Variants in PRTFDC1 observed in about 807,000 individuals in gnomAD.
PRTFDC1 encodes phosphoribosyltransferase domain-containing protein 1.
A neutral mutation model predicts 34.6 loss-of-function variants in PRTFDC1; 38 were observed. That is an observed-to-expected ratio of 1.10 (90% CI 0.85 to 1.44). The LOEUF is 1.44. Among genes scored for constraint, PRTFDC1 ranks in the 40% most tolerant of loss-of-function variants. The probability of loss-of-function intolerance (pLI) is 0.00; values close to 1 mark genes in which losing one functional copy is unlikely to be tolerated. For synonymous variants in PRTFDC1, 93 were observed against 98.1 expected (o/e 0.95, Z 0.31); for missense variants, 270 against 283.0 (o/e 0.95, Z 0.33).
At chr10:24,870,204 G>A (rs575944283) in intron 4 of PRTFDC1, among the ~76,000 whole-genome samples, 2 of 152,248 alleles carry the variant, frequency 1.3e-5, no homozygotes, top group East Asian at 3.9e-4. Context: ...TAACTCTTGA[G>A]CTTAAGTGAT....
chr10:24,874,728 G>GT (rs1273603940), intron 3 of PRTFDC1, among the ~76,000 whole-genome samples: 1 of 152,156 alleles, frequency 6.6e-6, no homozygotes, highest in Admixed American at 6.5e-5. Flanking sequence ...GTACAAACGT[G>GT]TTTTTTTAAA....
chr10:24,864,263 A>G (rs1432407797), intron 4 of PRTFDC1, among the ~76,000 whole-genome samples: 4 of 152,186 alleles, frequency 2.6e-5, no homozygotes, highest in African/African-American at 9.7e-5. Context: ...TTAAAATATT[A>G]TATATACTTA....
At chr10:24,882,352 C>T (rs553478041) in intron 3 of PRTFDC1, among the ~76,000 whole-genome samples, 3 of 152,262 alleles carry the variant, frequency 2.0e-5, no homozygotes, top group Non-Finnish European at 4.4e-5. Context: ...GCACATCCAA[C>T]TGAAATTTTC....
intron 3 of PRTFDC1, among the ~76,000 whole-genome samples, chr10:24,872,777 T>TGG (rs1491389794): frequency 2.9e-5 from 1 of 35,082 alleles, no homozygotes. Context: ...TATATATATA[T>TGG]GTGTGTGTGT....
At chr10:24,947,815 T>C (rs577364594) in intron 1 of PRTFDC1, among the ~76,000 whole-genome samples, 1 of 152,178 alleles carries the variant, frequency 6.6e-6, no homozygotes, top group Admixed American at 6.5e-5. Flanking sequence ...CCCTTCACTC[T>C]AATTCAAAGA....
At chr10:24,907,892 T>C (rs1439191483) in intron 3 of PRTFDC1, among the ~76,000 whole-genome samples, 1 of 152,238 alleles carries the variant, frequency 6.6e-6, no homozygotes, top group African/African-American at 2.4e-5. Flanking sequence ...GTATTCTAAC[T>C]CATATAAATA....
intron 1 of PRTFDC1, among the ~76,000 whole-genome samples, chr10:24,948,063 C>T (rs1183847621): frequency 6.6e-6 from 1 of 152,148 alleles, no homozygotes; most frequent in Non-Finnish European, 1.5e-5. Flanking sequence ...AACTCATTAC[C>T]ACCTAGTAGA....
At chr10:24,916,109 ACCTTACAG>A (rs1334288766) in intron 3 of PRTFDC1, among the ~76,000 whole-genome samples, 1 of 152,104 alleles carries the variant, frequency 6.6e-6, no homozygotes, top group Non-Finnish European at 1.5e-5. Context: ...CAGGCCAGAA[ACCTTACAG>A]CCATGTCAAT....
At chr10:24,887,253 A>G (rs890404658) in intron 3 of PRTFDC1, among the ~76,000 whole-genome samples, 1 of 151,470 alleles carries the variant, frequency 6.6e-6, no homozygotes, top group Admixed American at 6.6e-5. Flanking sequence ...TACAGGCGTG[A>G]GCCACCGCGC....
At chr10:24,929,914 C>T (rs1238007099) in intron 3 of PRTFDC1, among the ~76,000 whole-genome samples, 2 of 152,160 alleles carry the variant, frequency 1.3e-5, no homozygotes, top group Non-Finnish European at 2.9e-5. Context: ...TTTCTCAAAA[C>T]ACACTAAATC....
intron 3 of PRTFDC1, among the ~76,000 whole-genome samples, chr10:24,925,509 C>A (rs990238439): frequency 2.6e-5 from 4 of 152,004 alleles, no homozygotes; most frequent in Non-Finnish European, 4.4e-5. Flanking sequence ...TATAAATTAC[C>A]CAGTTTCAGT....
chr10:24,942,598 G>C (rs1327713276), intron 1 of PRTFDC1, among the ~76,000 whole-genome samples, 162 bp from the exon 2 acceptor site: 17 of 152,204 alleles, frequency 1.1e-4, no homozygotes, highest in Non-Finnish European at 2.9e-5. Flanking sequence ...CAGTACTAAA[G>C]TGAACAGAGC....
intron 2 of PRTFDC1, among the ~76,000 whole-genome samples, chr10:24,941,534 C>T (rs540401340): frequency 1.3e-5 from 2 of 151,936 alleles, no homozygotes; most frequent in African/African-American, 4.8e-5. Flanking sequence ...AAGGTGAAAA[C>T]GGACATTCTT....
chr10:24,881,190 C>T (rs945466790), intron 3 of PRTFDC1, among the ~76,000 whole-genome samples: 1 of 151,802 alleles, frequency 6.6e-6, no homozygotes, highest in East Asian at 1.9e-4. Context: ...CTTCAGCCCC[C>T]CAAGTAGCTG....
intron 4 of PRTFDC1, among the ~76,000 whole-genome samples, chr10:24,865,941 C>T (rs1445312316): frequency 6.6e-6 from 1 of 152,162 alleles, no homozygotes; most frequent in Non-Finnish European, 1.5e-5. Context: ...CCAGAATCAT[C>T]AGTCAGTGGG....
At chr10:24,925,800 C>T (rs1453357087) in intron 3 of PRTFDC1, among the ~76,000 whole-genome samples, 2 of 152,170 alleles carry the variant, frequency 1.3e-5, no homozygotes, top group African/African-American at 4.8e-5. Flanking sequence ...TCTACTGGCT[C>T]GACCTCATCA....
intron 3 of PRTFDC1, among the ~76,000 whole-genome samples, chr10:24,935,583 C>A (rs1564318141): frequency 6.6e-6 from 1 of 152,082 alleles, no homozygotes. Flanking sequence ...GTGTACACAC[C>A]CTGCATAATC....
At chr10:24,924,917 C>T (rs9804197) in intron 3 of PRTFDC1, among the ~76,000 whole-genome samples, 90 of 152,278 alleles carry the variant, frequency 5.9e-4, no homozygotes, top group African/African-American at 2.1e-3. Flanking sequence ...TGTGGTGATT[C>T]CTCAAGGATC....
chr10:24,902,027 T>C (rs1848457688), intron 3 of PRTFDC1, among the ~76,000 whole-genome samples: 1 of 151,732 alleles, frequency 6.6e-6, no homozygotes, highest in African/African-American at 2.4e-5. Flanking sequence ...GAGAACAGAG[T>C]GAAGGGGTGT....
Sources: allele counts gnomAD v4.1 joint callset (sites outside exome capture counted in the v4.1 genomes callset), GRCh38; gene constraint gnomAD v4.1.1; transcripts MANE v1.5; gene names NCBI Gene and HGNC (gene_info 2026-07-23, HGNC 2026-07-21).